CELF1: variants seen among roughly 807,000 people sequenced by gnomAD.
CELF1 encodes 50 kDa nuclear polyadenylated RNA-binding protein.
A neutral mutation model predicts 61.8 loss-of-function variants in CELF1; 10 were observed. That is an observed-to-expected ratio of 0.16 (90% CI 0.10 to 0.27). CELF1 has a LOEUF of 0.27. Ranked by LOEUF, CELF1 falls within the 10% of genes least tolerant of loss-of-function variation. The pLI is 1.00. For missense variants in CELF1, 380 were observed against 639.1 expected (o/e 0.59, Z 4.37); for synonymous variants, 236 against 225.1 (o/e 1.05, Z -0.43).
chr11:47,534,021 CCTTTTTTTTTT>C (rs2096563591), intron 1 of CELF1, among the ~76,000 whole-genome samples: 1 of 98,472 alleles, frequency 1.0e-5, no homozygotes, highest in Admixed American at 1.1e-4. Flanking sequence ...TTTTTTCTTT[CCTTTTTTTTTT>C]TTTTTTTTTT....
chr11:47,474,509 A>G (rs1227387206), intron 13 of CELF1, among the ~76,000 whole-genome samples: 1 of 152,200 alleles, frequency 6.6e-6, no homozygotes, highest in Non-Finnish European at 1.5e-5. Context: ...GATCATCTGA[A>G]ACACCTCATG....
chr11:47,518,712 A>G (rs2095690679), intron 1 of CELF1, among the ~76,000 whole-genome samples: 1 of 151,968 alleles, frequency 6.6e-6, no homozygotes, highest in Admixed American at 6.6e-5. Context: ...CCTCTACCCT[A>G]CCAAACACAT....
intron 1 of CELF1, among the ~76,000 whole-genome samples, chr11:47,542,108 G>A (rs145788339): frequency 2.5e-4 from 38 of 152,282 alleles, no homozygotes; most frequent in African/African-American, 8.9e-4. Flanking sequence ...GGTGGCGTGC[G>A]TCTGTAATTT....
intron 1 of CELF1, among the ~76,000 whole-genome samples, chr11:47,535,103 C>T (rs1000795305): frequency 1.3e-4 from 20 of 152,072 alleles, no homozygotes; most frequent in African/African-American, 4.8e-4. Flanking sequence ...TTAACAAAAA[C>T]AGCACTTGAT....
intron 1 of CELF1, among the ~76,000 whole-genome samples, chr11:47,514,384 T>C (rs2095428684): frequency 6.6e-6 from 1 of 152,096 alleles, no homozygotes; most frequent in Non-Finnish European, 1.5e-5. Context: ...AATAGCATCC[T>C]TGCATATTCA....
In CELF1 at chr11:47,471,994, G is replaced by A; in HGVS notation, c.*236C>T. 2.1e-6 allele frequency: 1 copy of A among 472,650 alleles called. No homozygotes were observed. Among genetic ancestry groups the A allele is most frequent in the Non-Finnish European group, 3.8e-6 (1 of 262,546 alleles). The allele number at this position is 472,650 out of a possible 1,614,324, so 29.3% of individuals were successfully genotyped here. On this transcript the variant is annotated 3_prime_UTR_variant, in exon 15 of 15. Coordinates refer to ENST00000687097, the MANE Select transcript of CELF1 (RefSeq NM_001376376.1). Reference sequence around the variant, plus strand: ...AAAACAAAAAAAACCTCAGGATATGGCACCTAAACTCCAAAGTAAAACACT... The same window carrying A: ...AAAACAAAAAAAACCTCAGGATATGACACCTAAACTCCAAAGTAAAACACT...
At chr11:47,519,380 C>A (rs972324269) in intron 1 of CELF1, among the ~76,000 whole-genome samples, 3 of 151,972 alleles carry the variant, frequency 2.0e-5, no homozygotes, top group Non-Finnish European at 4.4e-5. Flanking sequence ...ACTTGGGAGG[C>A]TGGGGCAGAA....
chr11:47,521,962 GTGCAATGGCATGATCTCAGCTCA>G (rs1349754613), intron 1 of CELF1, among the ~76,000 whole-genome samples: 1 of 151,442 alleles, frequency 6.6e-6, no homozygotes, highest in Non-Finnish European at 1.5e-5. Flanking sequence ...CCAGGCTGGA[GTGCAATGGCATGATCTCAGCTCA>G]TCACAACCTC....
At chr11:47,502,575 G>A (rs1188415621) in intron 1 of CELF1, among the ~76,000 whole-genome samples, 1 of 152,188 alleles carries the variant, frequency 6.6e-6, no homozygotes, top group Non-Finnish European at 1.5e-5. Flanking sequence ...GCTCAAGCCT[G>A]TAATCCCAGC....
chr11:47,485,417 G>C (rs552274669), intron 6 of CELF1, among the ~76,000 whole-genome samples: 1 of 151,910 alleles, frequency 6.6e-6, no homozygotes, highest in Non-Finnish European at 1.5e-5. Context: ...GCAATCCTCC[G>C]GCCTCAGCCT....
At chr11:47,479,504 C>A (rs540434646) in intron 9 of CELF1, among the ~76,000 whole-genome samples, 43 of 152,360 alleles carry the variant, frequency 2.8e-4, no homozygotes, top group African/African-American at 1.0e-3. Flanking sequence ...ACTCCAGCTA[C>A]ACATCTATCC....
chr11:47,530,495 G>C (rs1424671431), intron 1 of CELF1, among the ~76,000 whole-genome samples: 1 of 152,206 alleles, frequency 6.6e-6, no homozygotes, highest in Non-Finnish European at 1.5e-5. Flanking sequence ...TCACAGATCA[G>C]ACAGTTTGGT....
intron 1 of CELF1, among the ~76,000 whole-genome samples, chr11:47,542,813 A>C (rs780466953): frequency 6.6e-6 from 1 of 152,012 alleles, no homozygotes; most frequent in Non-Finnish European, 1.5e-5. Flanking sequence ...ACATATCAAC[A>C]GGGCTGGACT....
At chr11:47,478,656 T>C (rs565787396) in intron 10 of CELF1, among the ~76,000 whole-genome samples, 1 of 152,144 alleles carries the variant, frequency 6.6e-6, no homozygotes, top group South Asian at 2.1e-4. Flanking sequence ...CCTAAAAGGT[T>C]AGGAGGCACC....
chr11:47,562,749 G>A (rs1296209649), intron 2 of CELF1, among the ~76,000 whole-genome samples: 1 of 151,210 alleles, frequency 6.6e-6, no homozygotes, highest in African/African-American at 2.4e-5. Context: ...CTGTCACCCA[G>A]GCTGAAGTGC....
At chr11:47,529,319 C>A (rs1356823967) in intron 1 of CELF1, among the ~76,000 whole-genome samples, 1 of 152,020 alleles carries the variant, frequency 6.6e-6, no homozygotes, top group African/African-American at 2.4e-5. Context: ...GAGGCTGAGG[C>A]AGGTGGATCA....
intron 3 of CELF1, chr11:47,494,289 TTA>T (rs2092594201): frequency 4.4e-6 from 3 of 675,680 alleles, no homozygotes; most frequent in Non-Finnish European, 5.5e-6. Flanking sequence ...CCCTCTCTTT[TTA>T]TGTTTCTACT....
intron 3 of CELF1, chr11:47,494,446 A>G (rs2092654864): frequency 4.1e-6 from 4 of 982,522 alleles, no homozygotes; most frequent in Non-Finnish European, 4.8e-6. Flanking sequence ...GAAACATACT[A>G]TGAGAAAATA....
intron 1 of CELF1, among the ~76,000 whole-genome samples, chr11:47,501,321 G>A (rs1193796293): frequency 7.3e-6 from 1 of 137,270 alleles, no homozygotes; most frequent in Non-Finnish European, 1.7e-5. Flanking sequence ...TGCCTGTCAG[G>A]CAGAAGATGG....
Sources: allele counts gnomAD v4.1 joint callset (sites outside exome capture counted in the v4.1 genomes callset), GRCh38; gene constraint gnomAD v4.1.1; transcripts MANE v1.5; gene names NCBI Gene and HGNC (gene_info 2026-07-23, HGNC 2026-07-21).